The following PTPRD variants were observed in gnomAD, a reference collection of about 807,000 sequenced individuals.
PTPRD encodes the protein protein tyrosine phosphatase receptor type D, also known as receptor-type tyrosine-protein phosphatase delta.
PTPRD carries 34 observed loss-of-function variants against 214.5 expected under a neutral mutation model. That is an observed-to-expected ratio of 0.16 (90% CI 0.12 to 0.21). The LOEUF (loss-of-function observed/expected upper bound fraction) is 0.21. Ranked by LOEUF, PTPRD falls within the 10% of genes least tolerant of loss-of-function variation. The probability of loss-of-function intolerance (pLI) is 1.00; values close to 1 mark genes in which losing one functional copy is unlikely to be tolerated. For missense variants in PTPRD, 2,545 were observed against 2,398.7 expected (o/e 1.06, Z -1.27); for synonymous variants, 1,128 against 845.7 (o/e 1.33, Z -5.79).
intron 3 of PTPRD, among the ~76,000 whole-genome samples, chr9:10,146,078 T>C (rs1243097448): frequency 6.6e-6 from 1 of 151,752 alleles, no homozygotes; most frequent in Non-Finnish European, 1.5e-5. Context: ...AACTGTATCA[T>C]TTCATTTTTT....
chr9:9,168,456 A>C (rs1291153958), intron 10 of PTPRD, among the ~76,000 whole-genome samples: 1 of 152,112 alleles, frequency 6.6e-6, no homozygotes, highest in Non-Finnish European at 1.5e-5. Flanking sequence ...AAGCTACCCT[A>C]ATTTCTTTTT....
chr9:8,423,183 G>C (rs547915714), intron 35 of PTPRD, among the ~76,000 whole-genome samples: 1 of 151,140 alleles, frequency 6.6e-6, no homozygotes, highest in South Asian at 2.1e-4. Context: ...TAAAAAGATC[G>C]TCCAGTCCAA....
chr9:8,678,143 A>C (rs1016776759), intron 12 of PTPRD, among the ~76,000 whole-genome samples: 5 of 152,194 alleles, frequency 3.3e-5, no homozygotes, highest in Non-Finnish European at 5.9e-5. Context: ...GAACGCATTA[A>C]ACATCCAGAA....
At chr9:8,351,362 C>A (rs2075389310) in intron 39 of PTPRD, among the ~76,000 whole-genome samples, 1 of 151,354 alleles carries the variant, frequency 6.6e-6, no homozygotes, top group Admixed American at 6.6e-5. Flanking sequence ...GTAATGGTGG[C>A]AGTACAGATA....
intron 5 of PTPRD, among the ~76,000 whole-genome samples, chr9:9,902,308 T>C (rs570321077): frequency 9.2e-5 from 14 of 152,328 alleles, no homozygotes; most frequent in Admixed American, 2.6e-4. Flanking sequence ...ACTTAAATAA[T>C]TTTTGCAACA....
chr9:10,307,383 T>C (rs796637727), intron 3 of PTPRD, among the ~76,000 whole-genome samples: 8 of 152,236 alleles, frequency 5.3e-5, no homozygotes, highest in Non-Finnish European at 7.4e-5. Context: ...TTTCCATCCA[T>C]GTTGCTATAA....
At chr9:10,150,698 A>C (rs1165723100) in intron 3 of PTPRD, among the ~76,000 whole-genome samples, 1 of 148,248 alleles carries the variant, frequency 6.7e-6, no homozygotes, top group African/African-American at 2.6e-5. Context: ...ATAATCTTTA[A>C]AAAAAAAGAA....
At chr9:8,770,727 T>C (rs767862936) in intron 11 of PTPRD, among the ~76,000 whole-genome samples, 2 of 152,202 alleles carry the variant, frequency 1.3e-5, no homozygotes, top group Non-Finnish European at 2.9e-5. Flanking sequence ...CCACTAATTA[T>C]CTGAAGTCTT....
At chr9:10,466,720 C>G (rs1052548911) in intron 2 of PTPRD, among the ~76,000 whole-genome samples, 6 of 149,814 alleles carry the variant, frequency 4.0e-5, no homozygotes, top group African/African-American at 1.5e-4. Flanking sequence ...AGAATTCAGA[C>G]TTCGAGCATC....
rs550104309 is a variant in PTPRD at position 9,595,643 on chromosome 9, G to A, written c.-286-20862C>T. On this transcript the variant is annotated intron_variant, in intron 7 of 45. Coordinates refer to ENST00000381196, the MANE Select transcript of PTPRD (RefSeq NM_002839.4). ...AAGGAATGAATTAATGGCCTTTGCCGCAACCTCAATGAGATTGCAGGCTAC... is the reference window on the plus strand; with the variant it reads ...AAGGAATGAATTAATGGCCTTTGCCACAACCTCAATGAGATTGCAGGCTAC... Among the ~76,000 whole-genome samples, 285 of 151,656 alleles carry A rather than the reference G, an allele frequency of 1.9e-3. 3 individuals carry two copies. Among genetic ancestry groups the A allele is most frequent in the South Asian group, 0.017 (83 of 4,816 alleles).
At chr9:10,082,969 C>T (rs1432167969) in intron 3 of PTPRD, among the ~76,000 whole-genome samples, 1 of 151,954 alleles carries the variant, frequency 6.6e-6, no homozygotes, top group Non-Finnish European at 1.5e-5. Flanking sequence ...AAGAAAACAA[C>T]AGCCACAACA....
chr9:8,573,158 G>C (rs914099498), intron 14 of PTPRD, among the ~76,000 whole-genome samples: 1 of 151,824 alleles, frequency 6.6e-6, no homozygotes, highest in African/African-American at 2.4e-5. Context: ...TAAAGCCCTA[G>C]GTATGAATGA....
At chr9:8,971,292 A>G (rs1422191531) in intron 11 of PTPRD, among the ~76,000 whole-genome samples, 1 of 151,754 alleles carries the variant, frequency 6.6e-6, no homozygotes. Flanking sequence ...TAGCTGGCCA[A>G]GATATAGACA....
At chr9:9,161,280 A>T (rs180960841) in intron 10 of PTPRD, among the ~76,000 whole-genome samples, 92 of 152,292 alleles carry the variant, frequency 6.0e-4, no homozygotes, top group Non-Finnish European at 7.8e-4. Flanking sequence ...GTATATCAAA[A>T]CATCATATAG....
chr9:9,730,175 A>G (rs2098163818), intron 7 of PTPRD, among the ~76,000 whole-genome samples: 1 of 152,160 alleles, frequency 6.6e-6, no homozygotes, highest in South Asian at 2.1e-4. Flanking sequence ...CTTGGAAAAT[A>G]CAATACTACA....
chr9:9,042,619 CTTT>C (rs869116004), intron 10 of PTPRD, among the ~76,000 whole-genome samples: 2 of 62,302 alleles, frequency 3.2e-5, no homozygotes, highest in African/African-American at 1.1e-4. Context: ...TTTTTCTTTT[CTTT>C]TTTTTTTTTT....
chr9:8,713,665 G>A (rs111987906), intron 12 of PTPRD: 1 of 1,509,652 alleles, frequency 6.6e-7, no homozygotes. Flanking sequence ...CCGGCACCGC[G>A]CCCGGGCCCA....
chr9:9,893,162 A>C (rs770793561), intron 5 of PTPRD, among the ~76,000 whole-genome samples: 2 of 152,056 alleles, frequency 1.3e-5, no homozygotes, highest in Non-Finnish European at 2.9e-5. Flanking sequence ...GTTCTTTTTT[A>C]TGGCTGCACA....
intron 3 of PTPRD, among the ~76,000 whole-genome samples, chr9:10,116,146 T>C (rs1030853187): frequency 3.9e-5 from 6 of 152,106 alleles, no homozygotes; most frequent in African/African-American, 1.4e-4. Flanking sequence ...TTCTTTCCAA[T>C]ATCTGAACAT....
Sources: allele counts gnomAD v4.1 joint callset (sites outside exome capture counted in the v4.1 genomes callset), GRCh38; gene constraint gnomAD v4.1.1; transcripts MANE v1.5; gene names NCBI Gene and HGNC (gene_info 2026-07-23, HGNC 2026-07-21).